Variants in CELSR2 observed in about 807,000 individuals in gnomAD.
CELSR2 encodes the protein EGF-like protein 2.
A neutral mutation model predicts 251.6 loss-of-function variants in CELSR2; 81 were observed. That is an observed-to-expected ratio of 0.32 (90% CI 0.27 to 0.39). The LOEUF (loss-of-function observed/expected upper bound fraction) is 0.39. Ranked by LOEUF, CELSR2 falls within the 10% of genes least tolerant of loss-of-function variation. CELSR2 has a pLI of 1.00. For missense variants in CELSR2, 3,365 were observed against 3,947.7 expected (o/e 0.85, Z 3.96); for synonymous variants, 1,721 against 1,670.5 (o/e 1.03, Z -0.74).
Position 109,270,002 on chromosome 1 carries a change from C to T in CELSR2, c.7177C>T (p.Leu2393Phe). The T allele has an allele frequency of 1.2e-6, 2 of 1,614,130 alleles. No individual in the cohort carries two copies. Among genetic ancestry groups the T allele is most frequent in the Non-Finnish European group, 1.7e-6 (2 of 1,180,030 alleles). The change falls in exon 23 of 34, where the codon CTC becomes TTC. Residue 2393 changes from leucine (L) to phenylalanine (F), a missense_variant. Around this residue, in one of 5 missense-constraint regions of CELSR2, gnomAD observed 2,093 missense variants for 2,382.8 expected, o/e 0.88. Coordinates refer to ENST00000271332, the MANE Select transcript of CELSR2 (RefSeq NM_001408.3). The part of the protein sequence containing the change: ...ALGVTLAALL[L>F]TFFFLTLLRI... ...AGGTGTCACCTTGGCTGCCCTTCTG[C>T]TCACCTTCTTCTTCCTCACTCTCTT...
Position 109,272,657 on chromosome 1 carries a change from A to G in CELSR2, c.8072A>G (p.Asn2691Ser), listed in dbSNP as rs775726719. The change falls in exon 30 of 34, where the codon AAC becomes AGC. Residue 2691 changes from asparagine (N) to serine (S), a missense_variant. By Grantham distance (46) the Asn-to-Ser change is conservative. Coordinates refer to ENST00000271332, the MANE Select transcript of CELSR2 (RefSeq NM_001408.3). ...PFLLREESALNPGQGPPGLGD... is the reference protein window; with the variant it reads ...PFLLREESALSPGQGPPGLGD... ...CTTCCTAGGGAGGAGTCCGCACTGA[A>G]CCCTGGCCAAGGGCCCCCTGGCCTG... The G allele has an allele frequency of 6.2e-7, 1 of 1,613,374 alleles. No homozygotes were observed. The highest frequency in any genetic ancestry group is 2.2e-5 in the East Asian group (1 of 44,870).
In CELSR2 at chr1:109,252,913, C is replaced by T; in HGVS notation, c.2834C>T (p.Ala945Val). The T allele has an allele frequency of 6.2e-7, 1 of 1,612,414 alleles. No individual in the cohort carries two copies. The change falls in exon 1 of 34, where the codon GCC becomes GTC. Residue 945 changes from alanine to valine, a missense_variant. By Grantham distance (64) the Ala-to-Val change is moderately conservative. Coordinates refer to ENST00000271332, the MANE Select transcript of CELSR2 (RefSeq NM_001408.3). The surrounding 1 kb of genome is among the most constrained non-coding windows in gnomAD (Gnocchi z 4.8). ...PIGLAVARVT[A>V]TDPDEGTNAQ... ...GGGCTAGCCGTGGCCCGGGTCACAG[C>T]CACTGACCCCGATGAAGGCACCAAT...
In CELSR2 at chr1:109,274,005, C is replaced by T; in HGVS notation, c.8745-17C>T. 1.2e-6 allele frequency: 2 copies of T among 1,614,074 alleles called. No individual in the cohort carries two copies. Among genetic ancestry groups the T allele is most frequent in the Non-Finnish European group, 8.5e-7 (1 of 1,179,950 alleles). On this transcript the variant is annotated splice_polypyrimidine_tract_variant and intron_variant, in intron 33 of 33. Coordinates refer to ENST00000271332, the MANE Select transcript of CELSR2 (RefSeq NM_001408.3). The stretch of plus-strand genomic sequence containing the variant: ...TCTGTCTGCCTTTTCTGCCACTTTC[C>T]TTTCCTGCCTCTCCAGATTTCTCTT...
In CELSR2 at chr1:109,268,776, G is replaced by T. The variant is rs1486405200; in HGVS notation, c.6502+12G>T. ...CACGCCCAACATTGGTAAGGCTGGT[G>T]CCTGGGTTGGGGAGGGGTTTGTGGA... On this transcript the variant is annotated intron_variant, in intron 18 of 33. Transcript: ENST00000271332. 4 of 1,591,502 alleles carry T rather than the reference G, an allele frequency of 2.5e-6. No individual in the cohort carries two copies. Among genetic ancestry groups the T allele is most frequent in the Non-Finnish European group, 3.4e-6 (4 of 1,163,414 alleles).
rs1452129063 is a variant in CELSR2 at position 109,274,148 on chromosome 1, C to T, written c.*99C>T. ...TGCTTTATCCTGCCCCGCTCCCCAT[C>T]GCCTGCCCGCAGCAGCGACGAAACG... On this transcript the variant is annotated 3_prime_UTR_variant, in exon 34 of 34. Transcript: ENST00000271332. The T allele has an allele frequency of 1.2e-5, 19 of 1,604,812 alleles. No homozygotes were observed. Among genetic ancestry groups the T allele is most frequent in the East Asian group, 2.2e-5 (1 of 44,730 alleles).
Position 109,269,389 on chromosome 1 carries a change from CCGTGGTGACTGT to C in CELSR2, c.6813-34_6813-23del, listed in dbSNP as rs1656301132. The C allele has an allele frequency of 6.2e-7, 1 of 1,610,900 alleles. No homozygotes were observed. Among genetic ancestry groups the C allele is most frequent in the Non-Finnish European group, 8.5e-7 (1 of 1,178,162 alleles). On this transcript the variant is annotated intron_variant, in intron 20 of 33. Coordinates refer to ENST00000271332, the MANE Select transcript of CELSR2 (RefSeq NM_001408.3). The surrounding 1 kb of genome is among the most constrained non-coding windows in gnomAD (Gnocchi z 6.4). ...GGGCGTCTCCCCAGTCATGTGACTG[CCGTGGTGACTGT>C]GCACCTGACTGCCCCACATCAGAGT...
rs760037538 is a variant in CELSR2, at chr1:109,273,348, AC to A, written c.8509+17del. 6.2e-7 allele frequency: 1 copy of A among 1,600,752 alleles called. No homozygotes were observed. The highest frequency in any genetic ancestry group is 8.5e-7 in the Non-Finnish European group (1 of 1,173,360). On this transcript the variant is annotated intron_variant, in intron 32 of 33. Transcript: ENST00000271332. ...CCAGCCTCACAAAGGTGAGTGGGGC[AC>A]CCCCAGCTGCCGAGCTCCCCTAGTC...
chr1:109,257,796 C>T (rs905891554), intron 1 of CELSR2, among the ~76,000 whole-genome samples: 5 of 152,206 alleles, frequency 3.3e-5, no homozygotes, highest in African/African-American at 9.7e-5. Flanking sequence ...AGCTGGATTT[C>T]CTGGGGTGGG....
In CELSR2 at chr1:109,264,515, G is replaced by A. The variant is rs1656134993; in HGVS notation, c.5351G>A (p.Ser1784Asn). 6 of 1,614,180 alleles carry A rather than the reference G, an allele frequency of 3.7e-6. No homozygotes were observed. The highest frequency in any genetic ancestry group is 5.1e-6 in the Non-Finnish European group (6 of 1,180,028). The change falls in exon 11 of 34, where the codon AGC becomes AAC. Residue 1784 changes from serine (S) to asparagine (N), a missense_variant. Ser to Asn is a conservative substitution (Grantham distance 46). Around this residue, in one of 5 missense-constraint regions of CELSR2, gnomAD observed 2,093 missense variants for 2,382.8 expected, o/e 0.88. Transcript: ENST00000271332. ...VNSLDPSHGE[S>N]INVEQGCSLP... ...AGCCTGGATCCCAGCCATGGGGAGA[G>A]CATCAACGTGGAGCAAGGCTGTAGC...
rs1457880563 is a variant in CELSR2, at chr1:109,252,981, G to A, written c.2902G>A (p.Val968Ile). The change falls in exon 1 of 34, where the codon GTC (valine) becomes ATC (isoleucine). Residue 968 changes from valine (V) to isoleucine (I), a missense_variant. Around this residue, in one of 5 missense-constraint regions of CELSR2, gnomAD observed 505 missense variants for 660.0 expected, o/e 0.77. Coordinates refer to ENST00000271332, the MANE Select transcript of CELSR2 (RefSeq NM_001408.3). The surrounding 1 kb of genome is among the most constrained non-coding windows in gnomAD (Gnocchi z 4.8). ...GATTGTGGAGGGCAACATCCCTGAG[G>A]TCTTTCAGCTGGACATCTTCTCCGG... The part of the protein sequence containing the change: ...YQIVEGNIPE[V>I]FQLDIFSGEL... 5.6e-6 allele frequency: 9 copies of A among 1,612,590 alleles called. No individual in the cohort carries two copies. In the East Asian group the frequency reaches 2.0e-4, roughly 36 times the overall value.
chr1:109,263,769 A>G lies in CELSR2; in HGVS notation c.4993A>G (p.Thr1665Ala). ...CATCACCAGGGGGCGCAGCACCATC[A>G]CCCTACAGGTGATGCATGGAAGGGC... ...QAITRGRSTI[T>A]LQLREGHVML... is the part of the protein sequence containing the mutation. Residue 1665 changes from threonine to alanine, a missense_variant, in exon 9 of 34, where the codon ACC (threonine) becomes GCC (alanine). Thr to Ala is a moderately conservative substitution (Grantham distance 58). Around this residue, in one of 5 missense-constraint regions of CELSR2, gnomAD observed 2,093 missense variants for 2,382.8 expected, o/e 0.88. Transcript: ENST00000271332. The G allele has an allele frequency of 6.2e-7, 1 of 1,612,600 alleles. No individual in the cohort carries two copies. The highest frequency in any genetic ancestry group is 8.5e-7 in the Non-Finnish European group (1 of 1,179,688).
At position 109,251,363 on chromosome 1, in the gene CELSR2, G is replaced by A. The variant is rs1293803815; in HGVS notation, c.1284G>A (p.Lys428=). The A allele has an allele frequency of 6.2e-7, 1 of 1,614,126 alleles. No homozygotes were observed. The part of the protein sequence containing the change: ...VLRVTASDRD[K]GSNAVVHYSI... Reference sequence around the variant, plus strand: ...GAGTCACAGCCTCGGATCGAGACAAGGGGAGCAATGCCGTGGTGCACTATA... The same window carrying A: ...GAGTCACAGCCTCGGATCGAGACAAAGGGAGCAATGCCGTGGTGCACTATA... Residue 428 remains lysine, a synonymous_variant, in exon 1 of 34, where the codon AAG becomes AAA. Coordinates refer to ENST00000271332, the MANE Select transcript of CELSR2 (RefSeq NM_001408.3). The surrounding 1 kb of genome is among the most constrained non-coding windows in gnomAD (Gnocchi z 4.9).
At chr1:109,273,962 C>T in intron 33 of CELSR2, 60 bp from the exon 34 acceptor site, 2 of 1,595,668 alleles carry the variant, frequency 1.3e-6, no homozygotes, top group Non-Finnish European at 1.7e-6. Context: ...TCACTCTCTC[C>T]TCTGTTTCAA....
chr1:109,262,480 G>T, intron 6 of CELSR2, 36 bp downstream of exon 6: 1 of 1,606,462 alleles, frequency 6.2e-7, no homozygotes, highest in Non-Finnish European at 8.5e-7. Context: ...GGGGTGAAGT[G>T]AGGGCAGGGC....
In CELSR2 at chr1:109,258,693, C is replaced by G. The variant is rs1279225263; in HGVS notation, c.3572C>G (p.Pro1191Arg). 2 of 1,549,034 alleles carry G rather than the reference C, an allele frequency of 1.3e-6. No homozygotes were observed. The highest frequency in any genetic ancestry group is 8.7e-7 in the Non-Finnish European group (1 of 1,145,800). ...GTGAGCCTGTCGGTGGGCCAGCCGC[C>G]AGGGCCCGGGGGCGGGCCGCCCTTC... ...LNVSLSVGQP[P>R]GPGGGPPFLP... Residue 1191 changes from proline (P) to arginine (R), a missense_variant, in exon 2 of 34, where the codon CCA (proline) becomes CGA (arginine). This residue lies in a region of CELSR2 where 2,093 missense variants were observed against 2,382.8 expected (regional missense o/e 0.88). Coordinates refer to ENST00000271332, the MANE Select transcript of CELSR2 (RefSeq NM_001408.3).
In CELSR2 at chr1:109,250,044, G is replaced by A. The variant is rs1296687206; in HGVS notation, c.-36G>A. 5.4e-6 allele frequency: 7 copies of A among 1,295,530 alleles called. No individual in the cohort carries two copies. Among genetic ancestry groups the A allele is most frequent in the Non-Finnish European group, 6.8e-6 (7 of 1,029,188 alleles). The allele number at this position is 1,295,530 out of a possible 1,614,324, so 80.3% of individuals were successfully genotyped here. A position where few individuals can be genotyped will look rare whatever the true frequency, so the allele number is the denominator to read the frequency against. ...AGGAGCCGGAGGAGGAGCCGCCGCC[G>A]CCGTTGACCCGGCCGCCGGCCGGGA... is the stretch of plus-strand genomic sequence containing the variant. On this transcript the variant is annotated 5_prime_UTR_variant, in exon 1 of 34. Transcript: ENST00000271332. The surrounding 1 kb of genome is among the most constrained non-coding windows in gnomAD (Gnocchi z 4.4).
Position 109,260,991 on chromosome 1 carries a change from C to G in CELSR2, c.3959-51C>G, listed in dbSNP as rs78897381. The G allele has an allele frequency of 3.9e-3, 5,560 of 1,438,108 alleles. 22 individuals carry two copies. The highest frequency in any genetic ancestry group is 0.013 in the Middle Eastern group (71 of 5,444). 89.1% of individuals were successfully genotyped at this position (1,438,108 alleles called of 1,614,324 possible). A position where few individuals can be genotyped will look rare whatever the true frequency, so the allele number is the denominator to read the frequency against. ...CACTGGGTTGTGGGGGGTCTCAGTT[C>G]CCCTCCTGTCCTCAGGTACTTGGTA... is the stretch of plus-strand genomic sequence containing the variant. On this transcript the variant is annotated intron_variant, in intron 2 of 33. Transcript: ENST00000271332.
At chr1:109,262,261 C>G (rs66795935) in intron 5 of CELSR2, 26 bp from the exon 6 acceptor site, 135,796 of 1,610,372 alleles carry the variant, frequency 0.084, 6,230 homozygotes, top group African/African-American at 0.1. Flanking sequence ...TCAGTGTCCC[C>G]CTTCTCTGCT....
rs1322273302 is a variant in CELSR2, at chr1:109,269,980, T to A, written c.7155T>A (p.Gly2385=). The change falls in exon 23 of 34, where the codon GGT becomes GGA. Residue 2385 remains glycine, a synonymous_variant. Coordinates refer to ENST00000271332, the MANE Select transcript of CELSR2 (RefSeq NM_001408.3). The surrounding 1 kb of genome is among the most constrained non-coding windows in gnomAD (Gnocchi z 6.4). ...AGACACTGACATACGTGGCTCTAGG[T>A]GTCACCTTGGCTGCCCTTCTGCTCA... The part of the protein sequence containing the change: ...PLKTLTYVAL[G]VTLAALLLTF... 1 of 1,613,988 alleles carries A rather than the reference T, an allele frequency of 6.2e-7. No individual in the cohort carries two copies. The highest frequency in any genetic ancestry group is 8.5e-7 in the Non-Finnish European group (1 of 1,180,020).
Sources: allele counts gnomAD v4.1 joint callset (sites outside exome capture counted in the v4.1 genomes callset), GRCh38; gene constraint gnomAD v4.1.1; regional missense constraint gnomAD v4.1.1; non-coding constraint Gnocchi (gnomAD v3.1); transcripts MANE v1.5; gene names NCBI Gene and HGNC (gene_info 2026-07-23, HGNC 2026-07-21).